Variants in TRIO observed in about 807,000 individuals in gnomAD.
The protein encoded by TRIO is trio Rho guanine nucleotide exchange factor, also known as triple functional domain protein.
In TRIO, 58 loss-of-function variants were observed where a neutral mutation model predicts 351.9. That is an observed-to-expected ratio of 0.16 (90% CI 0.13 to 0.21). TRIO has a LOEUF of 0.21. TRIO is among the 10% of genes least tolerant of loss of function. TRIO has a pLI of 1.00. For synonymous variants in TRIO, 1,758 were observed against 1,595.7 expected, an observed-to-expected ratio of 1.10 and a Z score of -2.42; for missense variants, 3,201 against 4,027.8, an observed-to-expected ratio of 0.79 and a Z score of 5.56.
intron 45 of TRIO, chr5:14,481,861 A>G (rs1755549620): frequency 4.2e-6 from 2 of 475,562 alleles, no homozygotes; most frequent in Admixed American, 7.6e-5. Flanking sequence ...GGCAGAAACA[A>G]GCAGGACCGG....
intron 45 of TRIO, 142 bp from the exon 46 acceptor site, chr5:14,482,439 GA>G (rs375308522): frequency 7.8e-4 from 488 of 625,598 alleles, no homozygotes; most frequent in South Asian, 1.4e-3. Context: ...AACAGTAAAA[GA>G]AAAAAAAAAT....
intron 1 of TRIO, among the ~76,000 whole-genome samples, chr5:14,166,818 G>A (rs1211622644): frequency 6.6e-6 from 1 of 152,178 alleles, no homozygotes; most frequent in East Asian, 1.9e-4. Context: ...AGGAGAAAGG[G>A]AGACGGTAGA....
intron 34 of TRIO, among the ~76,000 whole-genome samples, chr5:14,457,440 A>ATGC (rs1753432705): frequency 7.9e-6 from 1 of 127,364 alleles, no homozygotes; most frequent in African/African-American, 3.0e-5. Flanking sequence ...CACATTTTTA[A>ATGC]TGCTTAACCT....
At chr5:14,363,596 C>T (rs1744341332) in intron 13 of TRIO, 136 bp from the exon 14 acceptor site, 2 of 700,176 alleles carry the variant, frequency 2.9e-6, no homozygotes, top group African/African-American at 1.8e-5. Context: ...TTGTATACCA[C>T]CAAACTCATG....
chr5:14,273,453 A>G (rs1430386157), intron 2 of TRIO, among the ~76,000 whole-genome samples: 1 of 152,238 alleles, frequency 6.6e-6, no homozygotes, highest in Non-Finnish European at 1.5e-5. Context: ...TAAATGTCTT[A>G]CTGACTTTGT....
intron 11 of TRIO, among the ~76,000 whole-genome samples, chr5:14,350,639 G>A (rs768610682): frequency 3.3e-5 from 5 of 152,052 alleles, no homozygotes; most frequent in Non-Finnish European, 5.9e-5. Context: ...CCATCTTAAC[G>A]TGCATAGCTG....
Position 14,364,738 on chromosome 5 carries a change from G to A in TRIO, c.2676G>A (p.Leu892=). ...LEFLHEKQQE[L]DLAAEQHRKH... is the part of the protein sequence containing the mutation. Reference sequence around the variant, plus strand: ...TTCTTCATGAAAAACAGCAGGAATTGGATTTAGCCGCAGAGCAGCATCGGA... The same window carrying A: ...TTCTTCATGAAAAACAGCAGGAATTAGATTTAGCCGCAGAGCAGCATCGGA... The change falls in exon 15 of 57, where the codon TTG becomes TTA. Residue 892 remains leucine, a synonymous_variant. Transcript: ENST00000344204. 1 of 1,612,980 alleles carries A rather than the reference G, an allele frequency of 6.2e-7. No homozygotes were observed. Among genetic ancestry groups the A allele is most frequent in the Non-Finnish European group, 8.5e-7 (1 of 1,180,008 alleles).
chr5:14,488,760 T>A, intron 48 of TRIO: 1 of 591,358 alleles, frequency 1.7e-6, no homozygotes, highest in East Asian at 2.8e-5. Context: ...CAACAGCAAC[T>A]CAAAGCAAAC....
chr5:14,238,781 GT>G (rs1485417419), intron 1 of TRIO, among the ~76,000 whole-genome samples: 1 of 152,204 alleles, frequency 6.6e-6, no homozygotes, highest in Non-Finnish European at 1.5e-5. Context: ...CAACTAAAAT[GT>G]TTTCCACTTG....
Position 14,359,088 on chromosome 5 carries a change from A to C in TRIO, c.2217-269A>C, listed in dbSNP as rs1324065603. ...GAAAAGTGGCTAAAAATACAACTCT[A>C]AAGTAATTTTCTATAATTATTAGCC... On this transcript the variant is annotated intron_variant, in intron 12 of 56. Coordinates refer to ENST00000344204, the MANE Select transcript of TRIO (RefSeq NM_007118.4). Among the ~76,000 whole-genome samples the C allele has an allele frequency of 8.5e-5, 13 of 152,320 alleles. No homozygotes were observed. The East Asian group carries it at 2.1e-3, about 25-fold the overall frequency.
At chr5:14,224,252 C>T (rs1436439808) in intron 1 of TRIO, among the ~76,000 whole-genome samples, 2 of 151,998 alleles carry the variant, frequency 1.3e-5, no homozygotes, top group African/African-American at 4.8e-5. Flanking sequence ...TAATCTTATA[C>T]ATACTGTTTA....
At chr5:14,428,410 G>T (rs1475519377) in intron 34 of TRIO, among the ~76,000 whole-genome samples, 1 of 152,012 alleles carries the variant, frequency 6.6e-6, no homozygotes, top group African/African-American at 2.4e-5. Flanking sequence ...GCTTGGAAAA[G>T]AGCAGTTGTA....
In TRIO at chr5:14,229,731, T is replaced by C. The variant is rs949615211; in HGVS notation, c.158-41094T>C. Among the ~76,000 whole-genome samples the C allele has an allele frequency of 1.7e-4, 26 of 152,146 alleles. 1 individual carries two copies. Among genetic ancestry groups the C allele is most frequent in the Non-Finnish European group, 1.5e-4 (10 of 68,034 alleles). The stretch of plus-strand genomic sequence containing the variant: ...TAACGCTCATTGTAGTGTCCTGAAG[T>C]GTGATTAACACATGCTGAAAACACG... On this transcript the variant is annotated intron_variant, in intron 1 of 56. Coordinates refer to ENST00000344204, the MANE Select transcript of TRIO (RefSeq NM_007118.4).
chr5:14,225,801 C>CA lies in TRIO; in HGVS notation c.158-45024_158-45023insA, dbSNP rs1027979140. On this transcript the variant is annotated intron_variant, in intron 1 of 56. Transcript: ENST00000344204. ...CATATTCACTGCTCCCACCCCCCCC[C>CA]CCACCTCCAAGCCCAAAAGGATGAT... Among the ~76,000 whole-genome samples the CA allele has an allele frequency of 5.8e-5, 8 of 137,932 alleles. 2 individuals are homozygous for CA. The highest frequency in any genetic ancestry group is 5.6e-4 in the Admixed American group (8 of 14,378). 90.5% of individuals were successfully genotyped at this position (137,932 alleles called of 152,430 possible). A position where few individuals can be genotyped will look rare whatever the true frequency, so the allele number is the denominator to read the frequency against.
chr5:14,338,802 G>A (rs1350647665), intron 11 of TRIO, among the ~76,000 whole-genome samples: 1 of 152,170 alleles, frequency 6.6e-6, no homozygotes, highest in East Asian at 1.9e-4. Context: ...AGGCCAAATC[G>A]AGAGGAAGGG....
In TRIO at chr5:14,498,523, C is replaced by A; in HGVS notation, c.8215C>A (p.Leu2739Met). The A allele has an allele frequency of 6.2e-7, 1 of 1,614,010 alleles. No homozygotes were observed. The highest frequency in any genetic ancestry group is 8.5e-7 in the Non-Finnish European group (1 of 1,179,898). ...DGHYSISYSD[L>M]GEATLKIVGV... is the part of the protein sequence containing the mutation. ...GTGTTCCCATCTGTGCCGCAGTGAC[C>A]TGGGAGAGGCCACGCTGAAGATTGT... Residue 2739 changes from leucine (L) to methionine (M), a missense_variant, in exon 53 of 57, where the codon CTG becomes ATG. By Grantham distance (15) the Leu-to-Met change is conservative. This residue lies in a region of TRIO where 1,089 missense variants were observed against 954.9 expected (regional missense o/e 1.14). Coordinates refer to ENST00000344204, the MANE Select transcript of TRIO (RefSeq NM_007118.4).
At chr5:14,269,772 C>G (rs1446103512) in intron 1 of TRIO, among the ~76,000 whole-genome samples, 1 of 152,156 alleles carries the variant, frequency 6.6e-6, no homozygotes, top group East Asian at 1.9e-4. Flanking sequence ...TCCTTGCCTT[C>G]TAATTCCAAG....
chr5:14,246,481 C>A (rs920367661), intron 1 of TRIO, among the ~76,000 whole-genome samples: 1 of 152,236 alleles, frequency 6.6e-6, no homozygotes, highest in Admixed American at 6.5e-5. Context: ...GCTTCTCAGG[C>A]AGACCCTGTG....
intron 29 of TRIO, among the ~76,000 whole-genome samples, chr5:14,397,710 A>G (rs1747728922): frequency 6.6e-6 from 1 of 152,222 alleles, no homozygotes; most frequent in East Asian, 1.9e-4. Flanking sequence ...GCTACACAGA[A>G]TAAGTTTTAA....
Sources: gnomAD v4.1 joint callset for allele counts (sites outside exome capture counted in the v4.1 genomes callset) on GRCh38, gnomAD v4.1.1 for gene constraint, gnomAD v4.1.1 regional missense constraint, MANE v1.5 for transcripts, NCBI Gene and HGNC (gene_info 2026-07-23, HGNC 2026-07-21) for gene names.